MYB: variants seen among roughly 807,000 people sequenced by gnomAD.
MYB encodes the protein transcriptional activator Myb.
MYB carries 28 observed loss-of-function variants against 92.9 expected under a neutral mutation model. The observed-to-expected ratio is 0.30, with a 90% CI of 0.22 to 0.41. The LOEUF (loss-of-function observed/expected upper bound fraction) is 0.41. Ranked by LOEUF, MYB falls within the 10% of genes least tolerant of loss-of-function variation. The probability of loss-of-function intolerance (pLI) is 1.00; values close to 1 mark genes in which losing one functional copy is unlikely to be tolerated. For synonymous variants in MYB, 295 were observed against 329.1 expected, an observed-to-expected ratio of 0.90 and a Z score of 1.12; for missense variants, 679 against 929.3, an observed-to-expected ratio of 0.73 and a Z score of 3.50.
intron 15 of MYB, among the ~76,000 whole-genome samples, chr6:135,211,579 T>C (rs1779706125): frequency 1.3e-5 from 2 of 152,192 alleles, no homozygotes; most frequent in African/African-American, 4.8e-5. Flanking sequence ...CTTAATAGTT[T>C]GGAACTCATA....
chr6:135,200,427 A>G lies in MYB; in HGVS notation c.1950+12A>G. ...AAATCAAACAAGAGGTAAACACGCA[A>G]CCCTTTGGAAGCAACAAGCTGAGAA... On this transcript the variant is annotated intron_variant, in intron 13 of 15. Coordinates refer to ENST00000341911, the MANE Select transcript of MYB (RefSeq NM_001130173.2). 6.2e-7 allele frequency: 1 copy of G among 1,613,850 alleles called. No individual in the cohort carries two copies. The highest frequency in any genetic ancestry group is 8.5e-7 in the Non-Finnish European group (1 of 1,179,978).
rs1420201889 is a variant in MYB, at chr6:135,217,846, C to T, written c.2170-18C>T. On this transcript the variant is annotated intron_variant, in intron 15 of 15. Coordinates refer to ENST00000341911, the MANE Select transcript of MYB (RefSeq NM_001130173.2). ...CTTCTTTGTCTGACGCTCCTGTTGC[C>T]ATCCCTTTCTCCATCAGCCTTGTAG... 2 of 1,546,106 alleles carry T rather than the reference C, an allele frequency of 1.3e-6. No individual in the cohort carries two copies.
intron 15 of MYB, among the ~76,000 whole-genome samples, chr6:135,216,484 A>G (rs1190354963): frequency 2.0e-5 from 3 of 152,240 alleles, no homozygotes; most frequent in Non-Finnish European, 4.4e-5. Flanking sequence ...TAGATTACTT[A>G]TAATAGCTAA....
chr6:135,210,729 A>G (rs1397486717), intron 15 of MYB, among the ~76,000 whole-genome samples: 1 of 152,208 alleles, frequency 6.6e-6, no homozygotes, highest in African/African-American at 2.4e-5. Flanking sequence ...GTTTGGGACC[A>G]TGGAATATCC....
chr6:135,192,733 G>T (rs1776774935), intron 6 of MYB, among the ~76,000 whole-genome samples, 175 bp downstream of exon 6: 1 of 152,132 alleles, frequency 6.6e-6, no homozygotes, highest in Non-Finnish European at 1.5e-5. Flanking sequence ...GTTACCCCTG[G>T]TTTATGTCTC....
Position 135,197,295 on chromosome 6 carries a change from T to A in MYB, c.1538T>A (p.Val513Asp), listed in dbSNP as rs1389791283. The A allele has an allele frequency of 5.0e-6, 8 of 1,613,018 alleles. No individual in the cohort carries two copies. In the Admixed American group the frequency reaches 1.2e-4, roughly 24 times the overall value. ...VSSSTPKRSPVKSLPFSPSQF... is the reference protein window; with the variant it reads ...VSSSTPKRSPDKSLPFSPSQF... ...AGTTCAACTCCCAAGCGTTCCCCTG[T>A]CAAAAGCCTACCCTTCTCTCCCTCG... The change falls in exon 10 of 16, where the codon GTC (valine) becomes GAC (aspartate). Residue 513 changes from valine to aspartate, a missense_variant. Physicochemically the swap from Val to Asp is radical, Grantham distance 152. Coordinates refer to ENST00000341911, the MANE Select transcript of MYB (RefSeq NM_001130173.2).
At chr6:135,197,465 C>G in intron 10 of MYB, 142 bp downstream of exon 10, 1 of 814,630 alleles carries the variant, frequency 1.2e-6, no homozygotes, top group Non-Finnish European at 1.9e-6. Flanking sequence ...CTAGCTGTTG[C>G]TAAGTTATAC....
At chr6:135,203,380 C>A in intron 15 of MYB, 56 bp downstream of exon 15, 2 of 1,356,078 alleles carry the variant, frequency 1.5e-6, no homozygotes, top group Non-Finnish European at 2.1e-6. Flanking sequence ...AAACTGTCAT[C>A]TTTGGTGGTG....
chr6:135,194,875 G>A (rs1215904414), intron 8 of MYB: 1 of 1,146,944 alleles, frequency 8.7e-7, no homozygotes, highest in African/African-American at 1.6e-5. Flanking sequence ...TTTGATGCAT[G>A]TTCAGTATAT....
intron 15 of MYB, among the ~76,000 whole-genome samples, chr6:135,208,037 CTTTT>C (rs1224701511): frequency 1.4e-5 from 2 of 145,746 alleles, no homozygotes; most frequent in Non-Finnish European, 3.0e-5. Flanking sequence ...TACCTCATCT[CTTTT>C]TTATGAAGTT....
At chr6:135,204,776 G>T (rs1778634718) in intron 15 of MYB, among the ~76,000 whole-genome samples, 1 of 152,182 alleles carries the variant, frequency 6.6e-6, no homozygotes, top group South Asian at 2.1e-4. Flanking sequence ...TCCTGCGTCA[G>T]TGAGGCTGGA....
intron 9 of MYB, among the ~76,000 whole-genome samples, chr6:135,196,384 G>A (rs970584525): frequency 3.3e-5 from 5 of 151,930 alleles, no homozygotes; most frequent in Non-Finnish European, 7.4e-5. Context: ...TTACTTCATG[G>A]TGCTTCTCTA....
At chr6:135,201,154 TTTTCCACCAG>T (rs1778031897) in intron 13 of MYB, among the ~76,000 whole-genome samples, 1 of 152,204 alleles carries the variant, frequency 6.6e-6, no homozygotes, top group African/African-American at 2.4e-5. Context: ...GCAACAGCTG[TTTTCCACCAG>T]GTTAGATACA....
At chr6:135,192,829 A>G (rs563786123) in intron 6 of MYB, among the ~76,000 whole-genome samples, 1 of 152,354 alleles carries the variant, frequency 6.6e-6, no homozygotes, top group South Asian at 2.1e-4. Context: ...TCCGATTCTA[A>G]ATTGCTGCTT....
chr6:135,217,835 G>C, intron 15 of MYB, 29 bp from the exon 16 acceptor site: 1 of 1,480,488 alleles, frequency 6.8e-7, no homozygotes, highest in East Asian at 2.3e-5. Context: ...TTTGTCTGAC[G>C]CTCCTGTTGC....
chr6:135,205,541 A>C (rs901807968), intron 15 of MYB, among the ~76,000 whole-genome samples: 1 of 152,202 alleles, frequency 6.6e-6, no homozygotes, highest in Non-Finnish European at 1.5e-5. Flanking sequence ...TTTGAAACTC[A>C]AAATTAAGTT....
chr6:135,212,224 C>CTTTTTGTTT (rs1779810138), intron 15 of MYB, among the ~76,000 whole-genome samples: 1 of 32,882 alleles, frequency 3.0e-5, no homozygotes, highest in Non-Finnish European at 5.3e-5. Context: ...TTTGGTTTTA[C>CTTTTTGTTT]TTTTTTTTTT....
At position 135,219,128 on chromosome 6, in the gene MYB, C is replaced by T. The variant is rs1780772430; in HGVS notation, c.*1148C>T. ...TGAACTTTTGAGATATGACGGTGTA[C>T]TTACTGCCTTGTAGCAAAATAAAGA... On this transcript the variant is annotated 3_prime_UTR_variant, in exon 16 of 16. Transcript: ENST00000341911. 1.4e-5 allele frequency: 3 copies of T among 220,184 alleles called. No individual in the cohort carries two copies. The East Asian group carries it at 2.0e-4, about 15-fold the overall frequency. The allele number at this position is 220,184 out of a possible 1,614,324, so 13.6% of individuals were successfully genotyped here.
intron 10 of MYB, among the ~76,000 whole-genome samples, chr6:135,198,330 G>A (rs184960077): frequency 8.7e-4 from 133 of 152,230 alleles, no homozygotes; most frequent in African/African-American, 3.0e-3. Flanking sequence ...TTAATATGCC[G>A]TTGTGCCTTG....
Sources: gnomAD v4.1 joint callset for allele counts (sites outside exome capture counted in the v4.1 genomes callset) on GRCh38, gnomAD v4.1.1 for gene constraint, MANE v1.5 for transcripts, NCBI Gene and HGNC (gene_info 2026-07-23, HGNC 2026-07-21) for gene names.